The following GRHL1 variants were observed in gnomAD, a reference collection of about 807,000 sequenced individuals.
GRHL1 encodes grainyhead-like protein 1 homolog.
GRHL1 carries 38 observed loss-of-function variants against 75.7 expected under a neutral mutation model. The ratio of observed to expected loss-of-function variants is 0.50; its 90% CI spans 0.39 to 0.66. GRHL1 has a LOEUF of 0.66. Ranked by LOEUF, GRHL1 falls within the 30% of genes least tolerant of loss-of-function variation. GRHL1 has a pLI of 0.00. For missense variants in GRHL1, 589 were observed against 767.5 expected (o/e 0.77, Z 2.75); for synonymous variants, 266 against 279.4 (o/e 0.95, Z 0.48).
intron 14 of GRHL1, among the ~76,000 whole-genome samples, chr2:9,996,847 C>T (rs544180139): frequency 7.9e-5 from 12 of 152,174 alleles, no homozygotes; most frequent in African/African-American, 1.7e-4. Context: ...AGAAAGTAGA[C>T]GTGTAACCAG....
chr2:9,981,586 C>A (rs1668199892), intron 8 of GRHL1, among the ~76,000 whole-genome samples: 2 of 152,246 alleles, frequency 1.3e-5, no homozygotes, highest in African/African-American at 4.8e-5. Context: ...TACACTATTA[C>A]TGCAGAGTCG....
rs747475667 is a variant in GRHL1, at chr2:9,988,730, G to C, written c.1270-1966G>C. Among the ~76,000 whole-genome samples, 45 of 152,150 alleles carry C rather than the reference G, an allele frequency of 3.0e-4. 1 individual carries two copies. The highest frequency in any genetic ancestry group is 1.0e-4 in the Non-Finnish European group (7 of 68,010). On this transcript the variant is annotated intron_variant, in intron 9 of 15. Coordinates refer to ENST00000324907, the MANE Select transcript of GRHL1 (RefSeq NM_198182.3). ...GTTTGAGGACTTGCCGCGGGTTCCT[G>C]TCTCCCAGGGATCACTGTTCTTTAG...
intron 14 of GRHL1, among the ~76,000 whole-genome samples, chr2:9,997,335 G>A (rs561684279): frequency 1.6e-4 from 24 of 152,304 alleles, no homozygotes; most frequent in South Asian, 6.2e-4. Flanking sequence ...AAAGCAGGGA[G>A]ATGGGGCGTG....
At chr2:9,952,630 G>A (rs1169095943) in intron 1 of GRHL1, among the ~76,000 whole-genome samples, 1 of 152,204 alleles carries the variant, frequency 6.6e-6, no homozygotes, top group Non-Finnish European at 1.5e-5. Context: ...ATAAGGCATG[G>A]GGGATTAACT....
At chr2:9,995,810 C>G (rs1361979321) in intron 12 of GRHL1, 69 bp from the exon 13 acceptor site, 30 of 868,116 alleles carry the variant, frequency 3.5e-5, no homozygotes, top group Non-Finnish European at 5.4e-5. Flanking sequence ...ATGACAGGCT[C>G]TAAAACACCT....
At position 9,990,909 on chromosome 2, in the gene GRHL1, A is replaced by C; in HGVS notation, c.1321+162A>C. ...TGTGGCACTGCCTCTTCCTCAGATC[A>C]GCAGCAGATGCCAGCTCAGCGGGAG... On this transcript the variant is annotated intron_variant, in intron 10 of 15. Transcript: ENST00000324907. This position sits in a 1 kb window ranked among gnomAD's most constrained non-coding sequence, Gnocchi z 4.2. The C allele has an allele frequency of 1.8e-6, 1 of 551,580 alleles. No individual in the cohort carries two copies. Among genetic ancestry groups the C allele is most frequent in the Non-Finnish European group, 3.3e-6 (1 of 304,762 alleles). The allele number at this position is 551,580 out of a possible 1,614,324, so 34.2% of individuals were successfully genotyped here.
intron 2 of GRHL1, 127 bp downstream of exon 2, chr2:9,955,228 A>G (rs1405278027): frequency 4.4e-5 from 28 of 637,418 alleles, no homozygotes; most frequent in Non-Finnish European, 4.7e-5. Flanking sequence ...AAATAGTTTA[A>G]TGAGTACTTT....
intron 8 of GRHL1, among the ~76,000 whole-genome samples, chr2:9,975,644 G>A (rs1216727104): frequency 2.6e-5 from 4 of 151,930 alleles, no homozygotes; most frequent in Non-Finnish European, 5.9e-5. Flanking sequence ...TTGGGAGGCC[G>A]AGACGGGTGT....
intron 8 of GRHL1, among the ~76,000 whole-genome samples, chr2:9,985,351 G>A (rs550831639): frequency 1.3e-5 from 2 of 152,322 alleles, no homozygotes; most frequent in African/African-American, 4.8e-5. Context: ...GGTGTTTAGT[G>A]ATCGTTAAGT....
chr2:9,998,740 GTACACACATATATACGTATATATA>G, intron 14 of GRHL1, among the ~76,000 whole-genome samples: 1 of 40,280 alleles, frequency 2.5e-5, no homozygotes, highest in Non-Finnish European at 3.8e-5. Context: ...ACGTATATAT[GTACACACATATATACGTATATATA>G]TGTACACACA....
intron 14 of GRHL1, among the ~76,000 whole-genome samples, chr2:9,998,493 TATATATAC>T (rs1168798219): frequency 9.2e-5 from 2 of 21,662 alleles, no homozygotes; most frequent in East Asian, 2.2e-3. Flanking sequence ...TATATATACG[TATATATAC>T]ATATATATAC....
chr2:9,973,301 C>T lies in GRHL1; in HGVS notation c.1110+7920C>T, dbSNP rs145318941. On this transcript the variant is annotated intron_variant, in intron 8 of 15. Transcript: ENST00000324907. Reference sequence around the variant, plus strand: ...GCTTCTGAGTCTGTGACTCAGTCCCCAGTACCTTCTTGGGCCTCACGAATT... The same window carrying T: ...GCTTCTGAGTCTGTGACTCAGTCCCTAGTACCTTCTTGGGCCTCACGAATT... Among the ~76,000 whole-genome samples, 1,107 of 152,298 alleles carry T rather than the reference C, an allele frequency of 7.3e-3. 7 individuals are homozygous for T. The highest frequency in any genetic ancestry group is 0.025 in the African/African-American group (1,022 of 41,550).
At chr2:9,988,826 G>A (rs1435260512) in intron 9 of GRHL1, among the ~76,000 whole-genome samples, 2 of 152,136 alleles carry the variant, frequency 1.3e-5, no homozygotes, top group African/African-American at 4.8e-5. Flanking sequence ...GTTTCAGGGT[G>A]GAGGGTAAAT....
chr2:9,980,687 T>C (rs1025275955), intron 8 of GRHL1, among the ~76,000 whole-genome samples: 9 of 152,250 alleles, frequency 5.9e-5, no homozygotes, highest in Admixed American at 2.6e-4. Context: ...GAAGGAAGTA[T>C]GAAAACAGAA....
chr2:9,973,760 G>C (rs1223850625), intron 8 of GRHL1, among the ~76,000 whole-genome samples: 7 of 152,160 alleles, frequency 4.6e-5, no homozygotes, highest in African/African-American at 1.7e-4. Flanking sequence ...GTTACTTTCT[G>C]AAATGATATG....
In GRHL1 at chr2:9,968,744, C is replaced by G. The variant is rs1384589810; in HGVS notation, c.1110+3363C>G. On this transcript the variant is annotated intron_variant, in intron 8 of 15. Transcript: ENST00000324907. This position sits in a 1 kb window ranked among gnomAD's most constrained non-coding sequence, Gnocchi z 4.7. ...GAGATGGGAGAAAGATACACATAGA[C>G]TCAGCTGGATCAACATTTTCTCTGG... 3.9e-5 allele frequency among the ~76,000 whole-genome samples: 6 copies of G among 152,148 alleles called. No individual in the cohort carries two copies. Among genetic ancestry groups the G allele is most frequent in the Non-Finnish European group, 8.8e-5 (6 of 68,026 alleles).
rs893579621 is a variant in GRHL1 at position 9,999,238 on chromosome 2, T to C, written c.1742+209T>C. Among the ~76,000 whole-genome samples, 39 of 152,286 alleles carry C rather than the reference T, an allele frequency of 2.6e-4. 1 individual carries two copies. The highest frequency in any genetic ancestry group is 8.9e-4 in the African/African-American group (37 of 41,558). On this transcript the variant is annotated intron_variant, in intron 15 of 15. Coordinates refer to ENST00000324907, the MANE Select transcript of GRHL1 (RefSeq NM_198182.3). ...CAGTCCAGAAGCAGCCAAAGAAACC[T>C]GGGTGCTGGAATGTGGCTTTTCTAA...
At chr2:9,963,050 T>C (rs1327847354) in intron 5 of GRHL1, among the ~76,000 whole-genome samples, 1 of 152,220 alleles carries the variant, frequency 6.6e-6, no homozygotes. Flanking sequence ...ATATTTTGTT[T>C]TATGTGTTTT....
At chr2:9,989,525 G>A (rs1194291630) in intron 9 of GRHL1, among the ~76,000 whole-genome samples, 1 of 152,082 alleles carries the variant, frequency 6.6e-6, no homozygotes, top group African/African-American at 2.4e-5. Flanking sequence ...GTACACGAGT[G>A]TCTTTTTCTA....
Sources: gnomAD v4.1 joint callset for allele counts (sites outside exome capture counted in the v4.1 genomes callset) on GRCh38, gnomAD v4.1.1 for gene constraint, Gnocchi (gnomAD v3.1) non-coding constraint, MANE v1.5 for transcripts, NCBI Gene and HGNC (gene_info 2026-07-23, HGNC 2026-07-21) for gene names.